Variants in JPH2 observed in about 807,000 individuals in gnomAD.
The protein encoded by JPH2 is junctophilin-2.
Under a neutral mutation model 55.9 loss-of-function variants are expected in JPH2, and 38 were observed. The ratio of observed to expected loss-of-function variants is 0.68; its 90% CI spans 0.52 to 0.89. The LOEUF (loss-of-function observed/expected upper bound fraction) is 0.89. JPH2 is among the 40% of genes least tolerant of loss of function. The pLI is 0.00. For missense variants in JPH2, 964 were observed against 1,037.6 expected (o/e 0.93, Z 0.97); for synonymous variants, 480 against 472.4 (o/e 1.02, Z -0.21).
chr20:44,139,117 CA>C (rs2072437734), intron 2 of JPH2, among the ~76,000 whole-genome samples: 1 of 152,132 alleles, frequency 6.6e-6, no homozygotes, highest in African/African-American at 2.4e-5. Flanking sequence ...TGGGAAAGGC[CA>C]AGCAAGGAAG....
At chr20:44,139,335 G>A (rs1486412213) in intron 2 of JPH2, among the ~76,000 whole-genome samples, 2 of 152,046 alleles carry the variant, frequency 1.3e-5, no homozygotes, top group Admixed American at 6.5e-5. Context: ...ACTGCGAGTT[G>A]GGGGAATTTA....
chr20:44,173,723 G>C (rs566042750), intron 1 of JPH2, among the ~76,000 whole-genome samples: 1 of 152,108 alleles, frequency 6.6e-6, no homozygotes, highest in South Asian at 2.1e-4. Flanking sequence ...AGACCATCCT[G>C]GCCAACATGG....
rs372591106 is a variant in JPH2 at position 44,129,866 on chromosome 20, A to G, written c.1170-11243T>C. Among the ~76,000 whole-genome samples, 10 of 152,226 alleles carry G rather than the reference A, an allele frequency of 6.6e-5. No individual in the cohort carries two copies. In the East Asian group the frequency reaches 1.2e-3, roughly 18 times the overall value. ...GATGATGGGAGCAGAGATGGGAGTGATGTGTTTTGAAGACAGAGGAAGGTG... is the reference window on the plus strand; with the variant it reads ...GATGATGGGAGCAGAGATGGGAGTGGTGTGTTTTGAAGACAGAGGAAGGTG... On this transcript the variant is annotated intron_variant, in intron 2 of 5. Coordinates refer to ENST00000372980, the MANE Select transcript of JPH2 (RefSeq NM_020433.5).
Position 44,159,473 on chromosome 20 carries a change from C to G in JPH2, c.1169+145G>C, listed in dbSNP as rs971140696. On this transcript the variant is annotated intron_variant, in intron 2 of 5. Transcript: ENST00000372980. This position sits in a 1 kb window ranked among gnomAD's most constrained non-coding sequence, Gnocchi z 5.7. ...TGAGTGAACAGGAGCCACCAGCTCC[C>G]GAAGAGCCTCCAATTAACCCCTGAA... 3 of 822,130 alleles carry G rather than the reference C, an allele frequency of 3.6e-6. No homozygotes were observed. The highest frequency in any genetic ancestry group is 3.4e-5 in the South Asian group (2 of 59,690). The allele number at this position is 822,130 out of a possible 1,614,324, so 50.9% of individuals were successfully genotyped here. A position where few individuals can be genotyped will look rare whatever the true frequency, so the allele number is the denominator to read the frequency against.
At chr20:44,177,920 A>G in intron 1 of JPH2, 1 of 1,471,614 alleles carries the variant, frequency 6.8e-7, no homozygotes, top group South Asian at 1.1e-5. Context: ...TCAGTGCTTC[A>G]TTGTCTTGTT....
Position 44,115,625 on chromosome 20 carries a change from G to C in JPH2, c.2010+40C>G, listed in dbSNP as rs56061946. On this transcript the variant is annotated intron_variant, in intron 4 of 5. Transcript: ENST00000372980. ...CCTCCCTCAAGCCCTGCTACCTCTA[G>C]GGAACCCGACCTTAGGCACACCTTG... 130,282 of 1,611,162 alleles carry C rather than the reference G, an allele frequency of 0.081. 6,250 individuals carry two copies. The highest frequency in any genetic ancestry group is 0.21 in the African/African-American group (15,583 of 74,848).
At chr20:44,155,978 G>A (rs1338163326) in intron 2 of JPH2, among the ~76,000 whole-genome samples, 1 of 151,780 alleles carries the variant, frequency 6.6e-6, no homozygotes, top group African/African-American at 2.4e-5. Flanking sequence ...GGAGGTTGCA[G>A]TGAGCCAAGA....
rs76350810 is a variant in JPH2, at chr20:44,121,189, C to T, written c.1170-2566G>A. ...GAGTTGAGACTTGAAGAAACACATACGTTAGGCCCCTAAGAGGTGGGCGGG... is the reference window on the plus strand; with the variant it reads ...GAGTTGAGACTTGAAGAAACACATATGTTAGGCCCCTAAGAGGTGGGCGGG... On this transcript the variant is annotated intron_variant, in intron 2 of 5. Transcript: ENST00000372980. Among the ~76,000 whole-genome samples, 29 of 152,196 alleles carry T rather than the reference C, an allele frequency of 1.9e-4. No individual in the cohort carries two copies. The East Asian group carries it at 5.4e-3, about 28-fold the overall frequency.
intron 2 of JPH2, among the ~76,000 whole-genome samples, chr20:44,133,806 G>A (rs1455921913): frequency 1.4e-5 from 2 of 143,166 alleles, no homozygotes; most frequent in Admixed American, 1.5e-4. Flanking sequence ...TGAGATGTAG[G>A]CAGGGGGCGA....
intron 1 of JPH2, among the ~76,000 whole-genome samples, chr20:44,178,899 C>T (rs2072757346): frequency 6.6e-6 from 1 of 152,170 alleles, no homozygotes; most frequent in South Asian, 2.1e-4. Flanking sequence ...GTATCACAGG[C>T]CCAGAGAATG....
At position 44,107,450 on chromosome 20, in the gene JPH2, A is replaced by T. The variant is rs780998362; in HGVS notation, c.*6068T>A. On this transcript the variant is annotated 3_prime_UTR_variant, in exon 6 of 6. Coordinates refer to ENST00000372980, the MANE Select transcript of JPH2 (RefSeq NM_020433.5). ...CAAACAACTGAGCTCTGGCTAGTGG[A>T]ATATGAGCAGAAGTGATGTGTGCTG... Among the ~76,000 whole-genome samples the T allele has an allele frequency of 2.0e-4, 30 of 152,186 alleles. No individual in the cohort carries two copies. Among genetic ancestry groups the T allele is most frequent in the Non-Finnish European group, 3.8e-4 (26 of 68,034 alleles).
At chr20:44,163,268 G>T (rs1438963857) in intron 1 of JPH2, among the ~76,000 whole-genome samples, 1 of 152,060 alleles carries the variant, frequency 6.6e-6, no homozygotes, top group Admixed American at 6.6e-5. Flanking sequence ...CATCTCATTG[G>T]GTGACCTTGG....
At chr20:44,139,106 G>A (rs56169131) in intron 2 of JPH2, among the ~76,000 whole-genome samples, 23,305 of 152,194 alleles carry the variant, frequency 0.15, 2,005 homozygotes, top group Admixed American at 0.26. Flanking sequence ...TGACTGGGAC[G>A]TGGGAAAGGC....
intron 1 of JPH2, among the ~76,000 whole-genome samples, chr20:44,171,318 A>G (rs1307133296): frequency 6.6e-6 from 1 of 152,184 alleles, no homozygotes; most frequent in African/African-American, 2.4e-5. Flanking sequence ...GCCCAAAATC[A>G]AAGCAAGGGG....
At chr20:44,172,511 G>A (rs915208103) in intron 1 of JPH2, among the ~76,000 whole-genome samples, 6 of 151,960 alleles carry the variant, frequency 3.9e-5, no homozygotes, top group South Asian at 4.2e-4. Flanking sequence ...GTTTCGTTTC[G>A]AGACAGAGTC....
intron 3 of JPH2, among the ~76,000 whole-genome samples, chr20:44,117,835 T>C (rs1050891647): frequency 6.6e-6 from 1 of 152,122 alleles, no homozygotes; most frequent in Non-Finnish European, 1.5e-5. Flanking sequence ...ACCATAATCA[T>C]GAAACAACAG....
At chr20:44,184,815 A>G (rs533867498) in intron 1 of JPH2, among the ~76,000 whole-genome samples, 295 of 152,346 alleles carry the variant, frequency 1.9e-3, no homozygotes, top group Non-Finnish European at 3.0e-3. Flanking sequence ...GACCAAGCTC[A>G]GGCGTCAGCT....
chr20:44,180,317 T>A (rs6093943), intron 1 of JPH2, among the ~76,000 whole-genome samples: 128,707 of 151,976 alleles, frequency 0.85, 54,553 homozygotes, highest in African/African-American at 0.87. Context: ...ATTAACTATC[T>A]TTATTATTAT....
intron 2 of JPH2, among the ~76,000 whole-genome samples, chr20:44,134,770 ATATT>A (rs1210709829): frequency 9.3e-6 from 1 of 107,512 alleles, no homozygotes; most frequent in East Asian, 2.6e-4. Flanking sequence ...ATATATAAAA[ATATT>A]TATAAATATA....
Sources: allele counts gnomAD v4.1 joint callset (sites outside exome capture counted in the v4.1 genomes callset), GRCh38; gene constraint gnomAD v4.1.1; non-coding constraint Gnocchi (gnomAD v3.1); transcripts MANE v1.5; gene names NCBI Gene and HGNC (gene_info 2026-07-23, HGNC 2026-07-21).